VAV3: variants seen among roughly 807,000 people sequenced by gnomAD.
The protein encoded by VAV3 is guanine nucleotide exchange factor VAV3.
Under a neutral mutation model 131.2 loss-of-function variants are expected in VAV3, and 94 were observed. The ratio of observed to expected loss-of-function variants is 0.72; its 90% CI spans 0.61 to 0.85. The LOEUF (loss-of-function observed/expected upper bound fraction) is 0.85. VAV3 is among the 40% of genes least tolerant of loss of function. The probability of loss-of-function intolerance (pLI) is 0.00; values close to 1 mark genes in which losing one functional copy is unlikely to be tolerated. For missense variants in VAV3, 939 were observed against 1,002.7 expected, an observed-to-expected ratio of 0.94 and a Z score of 0.86; for synonymous variants, 349 against 342.0, an observed-to-expected ratio of 1.02 and a Z score of -0.22.
chr1:107,655,351 G>A (rs763507272), intron 19 of VAV3, among the ~76,000 whole-genome samples: 16 of 152,012 alleles, frequency 1.1e-4, no homozygotes, highest in Non-Finnish European at 1.9e-4. Context: ...TGATAAAGGC[G>A]CCAAGAACAT....
intron 15 of VAV3, among the ~76,000 whole-genome samples, chr1:107,721,797 C>A (rs1181542253): frequency 1.3e-5 from 2 of 152,222 alleles, no homozygotes; most frequent in African/African-American, 4.8e-5. Flanking sequence ...CTCAGCCTAG[C>A]TTTCAGCTTC....
At chr1:107,618,138 T>A (rs558796573) in intron 20 of VAV3, among the ~76,000 whole-genome samples, 1 of 152,314 alleles carries the variant, frequency 6.6e-6, no homozygotes, top group Non-Finnish European at 1.5e-5. Context: ...GAGGGGGAAC[T>A]CAGGTAGTAA....
chr1:107,755,587 A>C, intron 11 of VAV3, 74 bp from the exon 12 acceptor site: 2 of 1,046,100 alleles, frequency 1.9e-6, no homozygotes, highest in Non-Finnish European at 2.9e-6. Context: ...GAAAGAAAAC[A>C]CATCATTAAT....
chr1:107,575,538 T>C (rs1033835623), intron 25 of VAV3, among the ~76,000 whole-genome samples: 20 of 152,206 alleles, frequency 1.3e-4, no homozygotes, highest in African/African-American at 3.1e-4. Context: ...CATTTTGTTT[T>C]ACTGTTCAGG....
rs972329510 is a variant in VAV3 at position 107,779,547 on chromosome 1, C to A, written c.322-55G>T. The A allele has an allele frequency of 1.1e-5, 16 of 1,431,146 alleles. 1 individual carries two copies. In the African/African-American group the frequency reaches 1.2e-4, roughly 11 times the overall value. The allele number at this position is 1,431,146 out of a possible 1,614,324, so 88.7% of individuals were successfully genotyped here. A position where few individuals can be genotyped will look rare whatever the true frequency, so the allele number is the denominator to read the frequency against. On this transcript the variant is annotated intron_variant, in intron 2 of 26. Coordinates refer to ENST00000370056, the MANE Select transcript of VAV3 (RefSeq NM_006113.5). ...ATGTAGTTCAGAAAATATAAGATTT[C>A]TTTTTCCAAAATTTTTTCAATCTAA...
At chr1:107,726,218 C>T (rs2101944303) in intron 15 of VAV3, among the ~76,000 whole-genome samples, 1 of 152,264 alleles carries the variant, frequency 6.6e-6, no homozygotes, top group Non-Finnish European at 1.5e-5. Flanking sequence ...GAGGAATACA[C>T]ATACAGATAA....
At chr1:107,670,156 A>G (rs1195031392) in intron 19 of VAV3, among the ~76,000 whole-genome samples, 1 of 152,246 alleles carries the variant, frequency 6.6e-6, no homozygotes, top group Non-Finnish European at 1.5e-5. Context: ...ACTGAAAGTC[A>G]TGTTTTCAAA....
At chr1:107,638,972 TAC>T (rs1236840547) in intron 20 of VAV3, among the ~76,000 whole-genome samples, 8 of 151,794 alleles carry the variant, frequency 5.3e-5, no homozygotes, top group African/African-American at 1.7e-4. Context: ...GATATATATA[TAC>T]ACACACATAT....
rs191094182 is a variant in VAV3 at position 107,848,912 on chromosome 1, C to G, written c.321+25989G>C. Among the ~76,000 whole-genome samples the G allele has an allele frequency of 2.1e-3, 326 of 152,230 alleles. 2 individuals are homozygous for G. The highest frequency in any genetic ancestry group is 7.6e-3 in the African/African-American group (314 of 41,544). On this transcript the variant is annotated intron_variant, in intron 2 of 26. Coordinates refer to ENST00000370056, the MANE Select transcript of VAV3 (RefSeq NM_006113.5). ...AAAATCAATGTGCAAAAATCATAAA[C>G]ATTCCTATACACCAATCAGACAAAC... is the stretch of plus-strand genomic sequence containing the variant.
chr1:107,823,295 G>C lies in VAV3; in HGVS notation c.322-43803C>G, dbSNP rs915184011. Among the ~76,000 whole-genome samples the C allele has an allele frequency of 2.4e-4, 37 of 152,120 alleles. 1 individual carries two copies. The highest frequency in any genetic ancestry group is 8.8e-5 in the Non-Finnish European group (6 of 68,004). ...TTCCATTTTCTAAAATGAAGGATGG[G>C]GAAGAAGCACATATATGAATTTTGA... On this transcript the variant is annotated intron_variant, in intron 2 of 26. Coordinates refer to ENST00000370056, the MANE Select transcript of VAV3 (RefSeq NM_006113.5).
intron 15 of VAV3, among the ~76,000 whole-genome samples, chr1:107,722,010 A>G (rs924957442): frequency 7.2e-5 from 11 of 152,226 alleles, no homozygotes; most frequent in Non-Finnish European, 1.5e-5. Flanking sequence ...AACTAGTATT[A>G]CAGTCCAGAA....
At chr1:107,629,580 T>C (rs1159804172) in intron 20 of VAV3, among the ~76,000 whole-genome samples, 1 of 152,076 alleles carries the variant, frequency 6.6e-6, no homozygotes, top group Non-Finnish European at 1.5e-5. Context: ...TCATTTCACT[T>C]GAAGGCAATT....
At chr1:107,580,329 A>G (rs911657477) in intron 25 of VAV3, among the ~76,000 whole-genome samples, 6 of 152,104 alleles carry the variant, frequency 3.9e-5, no homozygotes, top group African/African-American at 1.4e-4. Flanking sequence ...CCAGCAAAAC[A>G]CCAAGCAAAG....
chr1:107,770,621 T>A lies in VAV3; in HGVS notation c.648+15A>T, dbSNP rs777502260. 1.3e-6 allele frequency: 2 copies of A among 1,541,216 alleles called. No individual in the cohort carries two copies. The highest frequency in any genetic ancestry group is 2.7e-5 in the African/African-American group (2 of 73,506). On this transcript the variant is annotated intron_variant, in intron 6 of 26. Coordinates refer to ENST00000370056, the MANE Select transcript of VAV3 (RefSeq NM_006113.5). ...GGCAGTATTTGGGCATCAAAAATAA[T>A]ACCTGATGACTTACCTTTTCTATTG... is the stretch of plus-strand genomic sequence containing the variant.
At chr1:107,958,814 T>C (rs1571194909) in intron 1 of VAV3, among the ~76,000 whole-genome samples, 1 of 152,236 alleles carries the variant, frequency 6.6e-6, no homozygotes, top group East Asian at 1.9e-4. Flanking sequence ...TGTGTGATGT[T>C]CCCCTCCCTG....
chr1:107,904,892 G>A (rs1672029127), intron 1 of VAV3, among the ~76,000 whole-genome samples: 1 of 152,112 alleles, frequency 6.6e-6, no homozygotes, highest in African/African-American at 2.4e-5. Flanking sequence ...GCAGGTGAGG[G>A]AAATAGTTAT....
chr1:107,723,575 T>C (rs1661643412), intron 15 of VAV3, among the ~76,000 whole-genome samples: 2 of 112,588 alleles, frequency 1.8e-5, no homozygotes, highest in South Asian at 7.1e-4. Context: ...GCTTCTGAGT[T>C]GAAGCTATAT....
chr1:107,772,128 T>C (rs35852784), intron 5 of VAV3, among the ~76,000 whole-genome samples: 17,948 of 152,280 alleles, frequency 0.12, 1,197 homozygotes, highest in Non-Finnish European at 0.14. Flanking sequence ...TTTTCTGTTG[T>C]TGTTTCAAAT....
chr1:107,573,861 A>C (rs577250383), intron 26 of VAV3, among the ~76,000 whole-genome samples, 186 bp downstream of exon 26: 1 of 152,134 alleles, frequency 6.6e-6, no homozygotes, highest in Non-Finnish European at 1.5e-5. Flanking sequence ...TATCATATTC[A>C]TTTCAAATAT....
Sources: allele counts gnomAD v4.1 joint callset (sites outside exome capture counted in the v4.1 genomes callset), GRCh38; gene constraint gnomAD v4.1.1; transcripts MANE v1.5; gene names NCBI Gene and HGNC (gene_info 2026-07-23, HGNC 2026-07-21).